Variants in PTPRJ observed in about 807,000 individuals in gnomAD.
PTPRJ encodes receptor-type tyrosine-protein phosphatase eta.
Under a neutral mutation model 141.3 loss-of-function variants are expected in PTPRJ, and 129 were observed. The observed-to-expected ratio is 0.91, with a 90% confidence interval of 0.79 to 1.06. PTPRJ has a LOEUF of 1.06. Ranked by LOEUF, PTPRJ falls within the 50% of genes least tolerant of loss-of-function variation. The pLI is 0.00. For missense variants in PTPRJ, 1,601 were observed against 1,679.7 expected, an observed-to-expected ratio of 0.95 and a Z score of 0.82; for synonymous variants, 610 against 640.5, an observed-to-expected ratio of 0.95 and a Z score of 0.72.
intron 14 of PTPRJ, 37 bp from the exon 15 acceptor site, chr11:48,146,839 C>T (rs369194704): frequency 3.2e-6 from 5 of 1,567,958 alleles, no homozygotes; most frequent in African/African-American, 1.4e-5. Context: ...TCTGCATGAA[C>T]ACCTCTTGAA....
At chr11:48,038,979 G>A (rs1318461136) in intron 1 of PTPRJ, among the ~76,000 whole-genome samples, 1 of 150,328 alleles carries the variant, frequency 6.7e-6, no homozygotes. Flanking sequence ...TGAAACCCCC[G>A]TCTCTACTAA....
chr11:48,062,023 G>A (rs1326435439), intron 1 of PTPRJ, among the ~76,000 whole-genome samples: 2 of 149,736 alleles, frequency 1.3e-5, no homozygotes, highest in Non-Finnish European at 3.0e-5. Flanking sequence ...CCCCACCTCA[G>A]CCTCCTGAGT....
At chr11:47,989,097 A>G (rs1451940198) in intron 1 of PTPRJ, among the ~76,000 whole-genome samples, 1 of 149,980 alleles carries the variant, frequency 6.7e-6, no homozygotes, top group Non-Finnish European at 1.5e-5. Flanking sequence ...GTTAGCCAGG[A>G]TGGTCTCGAT....
At chr11:48,066,296 A>G (rs1590459651) in intron 1 of PTPRJ, among the ~76,000 whole-genome samples, 1 of 152,144 alleles carries the variant, frequency 6.6e-6, no homozygotes, top group Admixed American at 6.5e-5. Context: ...ATGAGTGTAA[A>G]CACAAGGGAT....
intron 1 of PTPRJ, among the ~76,000 whole-genome samples, chr11:48,018,917 C>T (rs1855025425): frequency 1.3e-5 from 2 of 152,214 alleles, no homozygotes; most frequent in Non-Finnish European, 2.9e-5. Context: ...TTCTCCCCGA[C>T]CCCTCGCCTC....
At chr11:48,085,795 C>A (rs375575601) in intron 1 of PTPRJ, among the ~76,000 whole-genome samples, 1 of 152,192 alleles carries the variant, frequency 6.6e-6, no homozygotes, top group South Asian at 2.1e-4. Context: ...TCTGTGGATC[C>A]TATAGGCTTC....
intron 1 of PTPRJ, among the ~76,000 whole-genome samples, chr11:48,108,136 G>A (rs1223340102): frequency 6.6e-6 from 1 of 152,190 alleles, no homozygotes; most frequent in Non-Finnish European, 1.5e-5. Flanking sequence ...GGGAGAGTAT[G>A]AGCTTCAGAT....
At chr11:48,060,226 G>GAGGT (rs1447003208) in intron 1 of PTPRJ, among the ~76,000 whole-genome samples, 12 of 152,186 alleles carry the variant, frequency 7.9e-5, no homozygotes. Flanking sequence ...GAGAATTCAA[G>GAGGT]AGGTAGATTG....
intron 1 of PTPRJ, among the ~76,000 whole-genome samples, chr11:48,057,887 C>T (rs903777688): frequency 1.1e-4 from 17 of 152,094 alleles, no homozygotes; most frequent in Admixed American, 3.9e-4. Flanking sequence ...GGTGATCACA[C>T]CCAAAACTTT....
chr11:48,080,969 A>G (rs1411535166), intron 1 of PTPRJ, among the ~76,000 whole-genome samples: 3 of 152,250 alleles, frequency 2.0e-5, no homozygotes, highest in Non-Finnish European at 4.4e-5. Context: ...CAGATTGTCA[A>G]TGATTCTCAA....
intron 1 of PTPRJ, among the ~76,000 whole-genome samples, chr11:48,049,122 T>C (rs1169823362): frequency 6.6e-6 from 1 of 152,102 alleles, no homozygotes; most frequent in Non-Finnish European, 1.5e-5. Context: ...CTACTGACGT[T>C]TGGAGTCTGA....
chr11:48,121,270 A>G lies in PTPRJ; in HGVS notation c.616+4A>G. ...AGAGTCATAAAAGTCATCACAGGTAAGATGACTGGCTCCCAGGGATGATGA... is the reference window on the plus strand; with the variant it reads ...AGAGTCATAAAAGTCATCACAGGTAGGATGACTGGCTCCCAGGGATGATGA... On this transcript the variant is annotated splice_donor_region_variant and intron_variant, in intron 4 of 24. Coordinates refer to ENST00000418331, the MANE Select transcript of PTPRJ (RefSeq NM_002843.4). 6.2e-7 allele frequency: 1 copy of G among 1,612,640 alleles called. No individual in the cohort carries two copies. Among genetic ancestry groups the G allele is most frequent in the Non-Finnish European group, 8.5e-7 (1 of 1,178,696 alleles).
At chr11:47,993,386 G>A (rs1222200540) in intron 1 of PTPRJ, among the ~76,000 whole-genome samples, 1 of 152,136 alleles carries the variant, frequency 6.6e-6, no homozygotes, top group African/African-American at 2.4e-5. Flanking sequence ...TCCACCTCCT[G>A]GGTTTAAGTG....
intron 1 of PTPRJ, among the ~76,000 whole-genome samples, chr11:48,033,414 A>G (rs1323937132): frequency 6.6e-6 from 1 of 152,170 alleles, no homozygotes; most frequent in Non-Finnish European, 1.5e-5. Flanking sequence ...GAGAGAAATC[A>G]GCTTTTTGAA....
chr11:48,073,746 GT>G (rs1381185351), intron 1 of PTPRJ, among the ~76,000 whole-genome samples: 1 of 151,120 alleles, frequency 6.6e-6, no homozygotes, highest in Non-Finnish European at 1.5e-5. Context: ...CTGGGTGATG[GT>G]TTATTATTTA....
chr11:48,081,872 T>C (rs1362343031), intron 1 of PTPRJ, among the ~76,000 whole-genome samples: 1 of 152,232 alleles, frequency 6.6e-6, no homozygotes, highest in Non-Finnish European at 1.5e-5. Flanking sequence ...CTGATGCTAC[T>C]GATGAAGTCT....
At chr11:48,003,152 A>G (rs1455472957) in intron 1 of PTPRJ, among the ~76,000 whole-genome samples, 1 of 152,194 alleles carries the variant, frequency 6.6e-6, no homozygotes, top group Non-Finnish European at 1.5e-5. Flanking sequence ...GATGATATTA[A>G]CCATGATGTT....
At chr11:48,019,327 A>C (rs1284518891) in intron 1 of PTPRJ, among the ~76,000 whole-genome samples, 2 of 152,154 alleles carry the variant, frequency 1.3e-5, no homozygotes, top group East Asian at 3.9e-4. Context: ...CAGCCTCTCC[A>C]GGCCTCTGAC....
chr11:48,034,352 C>G (rs1854066892), intron 1 of PTPRJ, among the ~76,000 whole-genome samples: 1 of 151,840 alleles, frequency 6.6e-6, no homozygotes, highest in South Asian at 2.1e-4. Flanking sequence ...TCAGGCCTTT[C>G]TTAGAATTTA....
Sources: gnomAD v4.1 joint callset for allele counts (sites outside exome capture counted in the v4.1 genomes callset) on GRCh38, gnomAD v4.1.1 for gene constraint, MANE v1.5 for transcripts, NCBI Gene and HGNC (gene_info 2026-07-23, HGNC 2026-07-21) for gene names.